Variants in MUSK observed in about 807,000 individuals in gnomAD.
The protein encoded by MUSK is muscle, skeletal receptor tyrosine-protein kinase.
A neutral mutation model predicts 88.7 loss-of-function variants in MUSK; 55 were observed. That is an observed-to-expected ratio of 0.62 (90% CI 0.50 to 0.78). The LOEUF (loss-of-function observed/expected upper bound fraction) is 0.78, where lower values mean the gene tolerates loss of function less well. MUSK is among the 30% of genes least tolerant of loss of function. The pLI, the probability that MUSK is intolerant of heterozygous loss-of-function variation, is 0.00. For missense variants in MUSK, 1,015 were observed against 1,074.3 expected, an observed-to-expected ratio of 0.94 and a Z score of 0.77; for synonymous variants, 387 against 391.9, an observed-to-expected ratio of 0.99 and a Z score of 0.15.
chr9:110,668,999 C>T lies in MUSK; in HGVS notation c.79+16C>T, dbSNP rs1217961337. ...CTTCCAAAAGGTTGGTTTGAGCAAT[C>T]GTGTCTTCTTGTTGTCTTGTCATGG... On this transcript the variant is annotated intron_variant, in intron 1 of 14. Transcript: ENST00000374448. 5 of 1,601,304 alleles carry T rather than the reference C, an allele frequency of 3.1e-6. No individual in the cohort carries two copies. Among genetic ancestry groups the T allele is most frequent in the South Asian group, 1.1e-5 (1 of 90,822 alleles).
intron 2 of MUSK, among the ~76,000 whole-genome samples, chr9:110,684,812 T>C (rs1469723548): frequency 6.6e-6 from 1 of 152,174 alleles, no homozygotes; most frequent in African/African-American, 2.4e-5. Flanking sequence ...CTGATTTTTG[T>C]ACATTGATTT....
At chr9:110,761,671 G>A (rs758973872) in intron 7 of MUSK, among the ~76,000 whole-genome samples, 26 of 149,794 alleles carry the variant, frequency 1.7e-4, no homozygotes, top group South Asian at 4.3e-4. Flanking sequence ...CCCCCCGGGG[G>A]TTCACGCCAT....
chr9:110,787,646 T>C lies in MUSK; in HGVS notation c.1779-44T>C, dbSNP rs1002040432. 3 of 1,589,526 alleles carry C rather than the reference T, an allele frequency of 1.9e-6. No homozygotes were observed. The East Asian group carries it at 6.7e-5, about 36-fold the overall frequency. On this transcript the variant is annotated intron_variant, in intron 13 of 14. Coordinates refer to ENST00000374448, the MANE Select transcript of MUSK (RefSeq NM_005592.4). ...AATGTGGGTAGGTATAAAGATATGATGTCCATGATCTTTGGTTTCTTTTTC... is the reference window on the plus strand; with the variant it reads ...AATGTGGGTAGGTATAAAGATATGACGTCCATGATCTTTGGTTTCTTTTTC...
At chr9:110,722,689 A>T (rs2076829848) in intron 5 of MUSK, among the ~76,000 whole-genome samples, 1 of 149,756 alleles carries the variant, frequency 6.7e-6, no homozygotes, top group South Asian at 2.1e-4. Context: ...CAAAGAACTG[A>T]AACAGCAAGA....
chr9:110,754,978 A>C (rs1236270356), intron 7 of MUSK, among the ~76,000 whole-genome samples: 1 of 152,224 alleles, frequency 6.6e-6, no homozygotes, highest in Non-Finnish European at 1.5e-5. Context: ...CACCTCTTAG[A>C]TGATCAAAAT....
At chr9:110,798,360 T>C (rs2132059367) in intron 14 of MUSK, among the ~76,000 whole-genome samples, 1 of 152,292 alleles carries the variant, frequency 6.6e-6, no homozygotes, top group Non-Finnish European at 1.5e-5. Flanking sequence ...TAGTCATAAA[T>C]TGGGAAAAAT....
At chr9:110,721,537 G>C (rs566884734) in intron 5 of MUSK, among the ~76,000 whole-genome samples, 1 of 152,030 alleles carries the variant, frequency 6.6e-6, no homozygotes, top group South Asian at 2.1e-4. Flanking sequence ...TCTAACCAAG[G>C]AGGTGAAAGA....
At chr9:110,724,567 C>T (rs2131813814) in intron 5 of MUSK, among the ~76,000 whole-genome samples, 1 of 152,126 alleles carries the variant, frequency 6.6e-6, no homozygotes, top group African/African-American at 2.4e-5. Flanking sequence ...TCCAATCCCC[C>T]ATCTCATATA....
At chr9:110,692,062 C>G (rs897129615) in intron 3 of MUSK, among the ~76,000 whole-genome samples, 2 of 152,004 alleles carry the variant, frequency 1.3e-5, no homozygotes, top group African/African-American at 4.8e-5. Flanking sequence ...ATAAATTTCA[C>G]AAATTGACAA....
At chr9:110,698,783 C>T (rs1292663573) in intron 5 of MUSK, among the ~76,000 whole-genome samples, 1 of 152,132 alleles carries the variant, frequency 6.6e-6, no homozygotes, top group African/African-American at 2.4e-5. Flanking sequence ...TCTAAATAAT[C>T]AGTGCTATTT....
At chr9:110,694,013 C>G (rs1204763298) in intron 3 of MUSK, among the ~76,000 whole-genome samples, 1 of 151,926 alleles carries the variant, frequency 6.6e-6, no homozygotes, top group African/African-American at 2.4e-5. Flanking sequence ...TGTTATTTTC[C>G]TATATTTTAA....
intron 6 of MUSK, among the ~76,000 whole-genome samples, chr9:110,739,170 T>C (rs1010038076): frequency 7.2e-5 from 11 of 152,244 alleles, no homozygotes; most frequent in South Asian, 4.1e-4. Flanking sequence ...GTCCCCAAGA[T>C]CACATTCATG....
At chr9:110,691,904 C>T (rs2076361049) in intron 3 of MUSK, among the ~76,000 whole-genome samples, 1 of 152,094 alleles carries the variant, frequency 6.6e-6, no homozygotes, top group Non-Finnish European at 1.5e-5. Context: ...AATTTTGCTG[C>T]ATGCAGAATG....
At chr9:110,681,037 T>A (rs867680821) in intron 1 of MUSK, among the ~76,000 whole-genome samples, 661 of 32,268 alleles carry the variant, frequency 0.02, 102 homozygotes, top group African/African-American at 0.14. Flanking sequence ...TATTATATAT[T>A]ATATAATATA....
chr9:110,680,650 T>A (rs144391580), intron 1 of MUSK, among the ~76,000 whole-genome samples: 7 of 151,870 alleles, frequency 4.6e-5, no homozygotes, highest in Non-Finnish European at 8.8e-5. Context: ...CCTCCCAAAG[T>A]GCTGGGATGA....
At position 110,687,298 on chromosome 9, in the gene MUSK, T is replaced by C. The variant is rs768783484; in HGVS notation, c.358+30T>C. The C allele has an allele frequency of 5.0e-6, 8 of 1,612,248 alleles. No individual in the cohort carries two copies. In the South Asian group the frequency reaches 6.6e-5, roughly 13 times the overall value. On this transcript the variant is annotated intron_variant, in intron 3 of 14. Transcript: ENST00000374448. ...GTGGGAAACAGATTCGTCTATTGAT[T>C]TGAAAGTTGACTTGGTACACTTAGT...
At chr9:110,779,068 G>GTGTT (rs2077713649) in intron 11 of MUSK, among the ~76,000 whole-genome samples, 1 of 151,656 alleles carries the variant, frequency 6.6e-6, no homozygotes. Context: ...CTGTGTGTGT[G>GTGTT]TGTGTGTGTG....
At chr9:110,749,351 A>C (rs1017792324) in intron 7 of MUSK, among the ~76,000 whole-genome samples, 13 of 152,300 alleles carry the variant, frequency 8.5e-5, no homozygotes, top group African/African-American at 2.6e-4. Context: ...CTTGGAAAAG[A>C]GGTATCATTG....
chr9:110,745,669 T>G (rs1443663647), intron 6 of MUSK, among the ~76,000 whole-genome samples: 1 of 152,210 alleles, frequency 6.6e-6, no homozygotes, highest in Non-Finnish European at 1.5e-5. Flanking sequence ...TTAGTTTGAA[T>G]TCCCAACTGA....
Sources: allele counts gnomAD v4.1 joint callset (sites outside exome capture counted in the v4.1 genomes callset), GRCh38; gene constraint gnomAD v4.1.1; transcripts MANE v1.5; gene names NCBI Gene and HGNC (gene_info 2026-07-23, HGNC 2026-07-21).